CHN2: variants seen among roughly 807,000 people sequenced by gnomAD.
The protein encoded by CHN2 is chimerin 2, also known as beta-chimaerin.
In CHN2, 35 loss-of-function variants were observed where a neutral mutation model predicts 56.3. The observed-to-expected ratio is 0.62, with a 90% CI of 0.47 to 0.82. The LOEUF is 0.82. Ranked by LOEUF, CHN2 falls within the 40% of genes least tolerant of loss-of-function variation. The pLI is 0.00. For missense variants in CHN2, 491 were observed against 580.5 expected (o/e 0.85, Z 1.58); for synonymous variants, 210 against 212.8 (o/e 0.99, Z 0.12).
intron 11 of CHN2, among the ~76,000 whole-genome samples, chr7:29,508,223 G>GT (rs1264747052): frequency 6.6e-6 from 1 of 151,892 alleles, no homozygotes; most frequent in Non-Finnish European, 1.5e-5. Context: ...CTCATTCAGT[G>GT]TTTGGCACTT....
intron 6 of CHN2, among the ~76,000 whole-genome samples, chr7:29,473,862 G>A (rs1236116464): frequency 6.6e-6 from 1 of 151,876 alleles, no homozygotes; most frequent in African/African-American, 2.4e-5. Context: ...CAATCTCAAT[G>A]GTTAAGAATT....
chr7:29,407,160 T>G (rs941899289), intron 6 of CHN2, among the ~76,000 whole-genome samples: 5 of 152,124 alleles, frequency 3.3e-5, no homozygotes, highest in African/African-American at 1.2e-4. Flanking sequence ...ATGCAACCCT[T>G]CTGTTTTGCA....
chr7:29,230,734 A>G (rs1242420812), intron 1 of CHN2, among the ~76,000 whole-genome samples: 1 of 152,314 alleles, frequency 6.6e-6, no homozygotes, highest in East Asian at 1.9e-4. Context: ...AGATGATCAA[A>G]TGATCTGATT....
intron 1 of CHN2, among the ~76,000 whole-genome samples, chr7:29,230,001 A>AG (rs1786541807): frequency 1.3e-5 from 2 of 151,786 alleles, no homozygotes; most frequent in South Asian, 4.2e-4. Context: ...AAATAAATAA[A>AG]TAAGTTTTAT....
At chr7:29,320,508 A>G (rs969944058) in intron 1 of CHN2, among the ~76,000 whole-genome samples, 1 of 152,308 alleles carries the variant, frequency 6.6e-6, no homozygotes, top group East Asian at 1.9e-4. Context: ...AATTCTCTTT[A>G]TGGAAAGAGA....
intron 6 of CHN2, among the ~76,000 whole-genome samples, chr7:29,451,359 T>C (rs1002315770): frequency 6.6e-6 from 1 of 152,152 alleles, no homozygotes; most frequent in African/African-American, 2.4e-5. Context: ...GGATGGATAC[T>C]GTGATTAAGC....
At chr7:29,349,087 G>A (rs1408259979) in intron 1 of CHN2, among the ~76,000 whole-genome samples, 1 of 152,094 alleles carries the variant, frequency 6.6e-6, no homozygotes, top group Non-Finnish European at 1.5e-5. Context: ...AGCATTTACT[G>A]TATGCCAGGC....
chr7:29,270,428 T>C (rs1790522924), intron 1 of CHN2, among the ~76,000 whole-genome samples: 1 of 99,680 alleles, frequency 1.0e-5, no homozygotes, highest in Non-Finnish European at 1.9e-5. Context: ...CTGAGATGGG[T>C]GGATCATTTT....
rs181771660 is a variant in CHN2 at position 29,372,631 on chromosome 7, A to G, written c.144+4644A>G. Reference sequence around the variant, plus strand: ...ATGAAAAAAAAGGATAGCGATTGCTAGCATAAGGAATTTGGGATTCTCAAA... The same window carrying G: ...ATGAAAAAAAAGGATAGCGATTGCTGGCATAAGGAATTTGGGATTCTCAAA... On this transcript the variant is annotated intron_variant, in intron 3 of 12. Coordinates refer to ENST00000222792, the MANE Select transcript of CHN2 (RefSeq NM_004067.4). Among the ~76,000 whole-genome samples, 177 of 152,374 alleles carry G rather than the reference A, an allele frequency of 1.2e-3. 2 individuals carry two copies. The highest frequency in any genetic ancestry group is 1.9e-3 in the East Asian group (10 of 5,194).
intron 1 of CHN2, among the ~76,000 whole-genome samples, chr7:29,217,196 T>A (rs931136388): frequency 1.3e-5 from 2 of 152,232 alleles, no homozygotes; most frequent in African/African-American, 2.4e-5. Flanking sequence ...TTTGTGCATA[T>A]AATTATTTTT....
chr7:29,295,646 G>C (rs1367282308), intron 1 of CHN2, among the ~76,000 whole-genome samples: 1 of 152,124 alleles, frequency 6.6e-6, no homozygotes, highest in African/African-American at 2.4e-5. Context: ...TGGTTATTGA[G>C]GTGTTTTCTA....
intron 1 of CHN2, among the ~76,000 whole-genome samples, chr7:29,298,289 T>TA (rs1332482672): frequency 6.6e-6 from 1 of 152,182 alleles, no homozygotes; most frequent in Non-Finnish European, 1.5e-5. Flanking sequence ...TAACCTAGGT[T>TA]ACTGTTTGCC....
chr7:29,300,384 C>A (rs1793566166), intron 1 of CHN2, among the ~76,000 whole-genome samples: 1 of 152,042 alleles, frequency 6.6e-6, no homozygotes, highest in Non-Finnish European at 1.5e-5. Context: ...CAAAAGTGAG[C>A]TAGGGAGAGG....
At chr7:29,440,623 T>C (rs1474059617) in intron 6 of CHN2, among the ~76,000 whole-genome samples, 1 of 141,840 alleles carries the variant, frequency 7.1e-6, no homozygotes, top group Non-Finnish European at 1.5e-5. Flanking sequence ...AGGCAGAGGC[T>C]GCTGTGAGCT....
Position 29,362,403 on chromosome 7 carries a change from G to A in CHN2, c.89-5529G>A, listed in dbSNP as rs113976854. Among the ~76,000 whole-genome samples, 1,516 of 152,282 alleles carry A rather than the reference G, an allele frequency of 1.0e-2. 22 individuals are homozygous for A. Among genetic ancestry groups the A allele is most frequent in the African/African-American group, 0.034 (1,417 of 41,562 alleles). ...GATGCATATAATATGCCTGGCACATGGTCTGTGCCCAGAAAAGGGCAGCAT... is the reference window on the plus strand; with the variant it reads ...GATGCATATAATATGCCTGGCACATAGTCTGTGCCCAGAAAAGGGCAGCAT... On this transcript the variant is annotated intron_variant, in intron 2 of 12. Transcript: ENST00000222792.
rs560479881 is a variant in CHN2, at chr7:29,469,677, C to A, written c.577-10602C>A. On this transcript the variant is annotated intron_variant, in intron 6 of 12. Coordinates refer to ENST00000222792, the MANE Select transcript of CHN2 (RefSeq NM_004067.4). Reference sequence around the variant, plus strand: ...TCCAAATGTCACCTTCTCATGAGACCTTTTCTGACCACCTTGATTTAAGTT... The same window carrying A: ...TCCAAATGTCACCTTCTCATGAGACATTTTCTGACCACCTTGATTTAAGTT... Among the ~76,000 whole-genome samples the A allele has an allele frequency of 1.4e-3, 213 of 152,316 alleles. 2 individuals are homozygous for A. The highest frequency in any genetic ancestry group is 4.5e-3 in the African/African-American group (188 of 41,562).
At chr7:29,281,324 T>C (rs962371708) in intron 1 of CHN2, among the ~76,000 whole-genome samples, 1 of 152,324 alleles carries the variant, frequency 6.6e-6, no homozygotes, top group Middle Eastern at 3.4e-3. Flanking sequence ...GTGCCTTGCT[T>C]TGTTTGCATA....
intron 6 of CHN2, among the ~76,000 whole-genome samples, chr7:29,419,628 A>C (rs1458927689): frequency 2.0e-5 from 3 of 151,698 alleles, no homozygotes; most frequent in African/African-American, 7.3e-5. Context: ...AAACTCCTAC[A>C]ACTCAACAAC....
chr7:29,493,176 T>C (rs1788846510), intron 7 of CHN2, among the ~76,000 whole-genome samples: 1 of 152,188 alleles, frequency 6.6e-6, no homozygotes, highest in African/African-American at 2.4e-5. Flanking sequence ...AAATACTTAC[T>C]GTTATGTTAC....
Sources: allele counts gnomAD v4.1 joint callset (sites outside exome capture counted in the v4.1 genomes callset), GRCh38; gene constraint gnomAD v4.1.1; transcripts MANE v1.5; gene names NCBI Gene and HGNC (gene_info 2026-07-23, HGNC 2026-07-21).